EPHA6: variants seen among roughly 807,000 people sequenced by gnomAD.
The protein encoded by EPHA6 is EPH receptor A6, also known as ephrin type-A receptor 6.
EPHA6 carries 50 observed loss-of-function variants against 112.0 expected under a neutral mutation model. The observed-to-expected ratio is 0.45, with a 90% CI of 0.36 to 0.56. EPHA6 has a LOEUF of 0.56. Ranked by LOEUF, EPHA6 falls within the 20% of genes least tolerant of loss-of-function variation. The probability of loss-of-function intolerance (pLI) is 0.00; values close to 1 mark genes in which losing one functional copy is unlikely to be tolerated. For synonymous variants in EPHA6, 529 were observed against 490.7 expected, an observed-to-expected ratio of 1.08 and a Z score of -1.03; for missense variants, 1,280 against 1,417.4, an observed-to-expected ratio of 0.90 and a Z score of 1.56.
chr3:97,630,460 T>C (rs6809865), intron 13 of EPHA6, among the ~76,000 whole-genome samples: 34,995 of 151,918 alleles, frequency 0.23, 5,545 homozygotes, highest in African/African-American at 0.44. Flanking sequence ...TTCAACATCA[T>C]TTTAAAAAGT....
chr3:97,596,478 AG>A (rs1302849888), intron 12 of EPHA6, among the ~76,000 whole-genome samples: 2 of 152,052 alleles, frequency 1.3e-5, no homozygotes, highest in African/African-American at 2.4e-5. Context: ...CTACATTAAT[AG>A]TGATGGAGTA....
At chr3:97,694,689 T>G (rs1224191835) in intron 14 of EPHA6, among the ~76,000 whole-genome samples, 1 of 152,240 alleles carries the variant, frequency 6.6e-6, no homozygotes, top group Admixed American at 6.5e-5. Context: ...TGTTTGAGGA[T>G]GTCATTTAAG....
chr3:97,465,963 A>AT (rs1354589996), intron 7 of EPHA6, among the ~76,000 whole-genome samples: 48 of 150,304 alleles, frequency 3.2e-4, no homozygotes, highest in African/African-American at 9.7e-4. Flanking sequence ...TTGTCTGCCC[A>AT]TTTGTTTTTT....
At chr3:96,935,686 T>TAC (rs1011013957) in intron 2 of EPHA6, among the ~76,000 whole-genome samples, 58 of 148,124 alleles carry the variant, frequency 3.9e-4, no homozygotes, top group Non-Finnish European at 6.0e-4. Context: ...ACATTATATA[T>TAC]ACACACATTA....
At chr3:96,828,934 C>A (rs1172683596) in intron 1 of EPHA6, among the ~76,000 whole-genome samples, 1 of 152,084 alleles carries the variant, frequency 6.6e-6, no homozygotes, top group African/African-American at 2.4e-5. Flanking sequence ...GCAATACTTG[C>A]AGATCTAGAG....
intron 3 of EPHA6, among the ~76,000 whole-genome samples, chr3:97,138,381 C>T (rs1180957800): frequency 6.6e-6 from 1 of 152,194 alleles, no homozygotes; most frequent in African/African-American, 2.4e-5. Flanking sequence ...AGGGGTCCAA[C>T]ACTCTCATGC....
intron 5 of EPHA6, among the ~76,000 whole-genome samples, chr3:97,355,063 G>T (rs1342912071): frequency 6.6e-6 from 1 of 152,078 alleles, no homozygotes. Context: ...TCTGAGACAA[G>T]CAAAAGCTGA....
chr3:97,463,225 T>C (rs1443036201), intron 7 of EPHA6, among the ~76,000 whole-genome samples: 3 of 152,146 alleles, frequency 2.0e-5, no homozygotes, highest in Non-Finnish European at 4.4e-5. Context: ...ACATTAGGTA[T>C]ATCTCCTAAT....
chr3:97,358,029 G>C (rs913007369), intron 5 of EPHA6, among the ~76,000 whole-genome samples: 1 of 152,052 alleles, frequency 6.6e-6, no homozygotes, highest in Admixed American at 6.6e-5. Flanking sequence ...GAAACATTTT[G>C]TGTAACTTTG....
intron 3 of EPHA6, among the ~76,000 whole-genome samples, chr3:97,047,067 A>G (rs1173177851): frequency 6.6e-6 from 1 of 152,096 alleles, no homozygotes; most frequent in Non-Finnish European, 1.5e-5. Flanking sequence ...TGATTTTTAT[A>G]TTCTCTTTTT....
chr3:96,901,476 A>AT (rs565569852), intron 2 of EPHA6, among the ~76,000 whole-genome samples: 194 of 146,970 alleles, frequency 1.3e-3, no homozygotes, highest in African/African-American at 3.4e-3. Flanking sequence ...CTGGGAAAAG[A>AT]TTTTTTTTTT....
chr3:96,867,061 G>T (rs1173136778), intron 2 of EPHA6, among the ~76,000 whole-genome samples, 172 bp downstream of exon 2: 2 of 151,820 alleles, frequency 1.3e-5, no homozygotes. Flanking sequence ...GGAATGATAT[G>T]TAAAGCTCCT....
At chr3:97,731,451 T>A (rs1343864783) in intron 15 of EPHA6, among the ~76,000 whole-genome samples, 1 of 152,026 alleles carries the variant, frequency 6.6e-6, no homozygotes, top group African/African-American at 2.4e-5. Flanking sequence ...ACGGAGTATA[T>A]AAGTCACACA....
intron 3 of EPHA6, among the ~76,000 whole-genome samples, chr3:97,215,465 G>T (rs1438869100): frequency 6.6e-6 from 1 of 152,014 alleles, no homozygotes; most frequent in East Asian, 1.9e-4. Flanking sequence ...AATTAGTGTA[G>T]CCAGGCATCA....
chr3:97,076,400 C>A (rs2046527522), intron 3 of EPHA6, among the ~76,000 whole-genome samples: 1 of 152,112 alleles, frequency 6.6e-6, no homozygotes, highest in Non-Finnish European at 1.5e-5. Context: ...GACACTAATT[C>A]TCTTTAATTC....
intron 12 of EPHA6, among the ~76,000 whole-genome samples, chr3:97,597,503 C>G (rs1164518374): frequency 6.6e-6 from 1 of 152,128 alleles, no homozygotes; most frequent in East Asian, 1.9e-4. Context: ...GCCTTATACT[C>G]AAATACCAAG....
At chr3:96,827,141 G>A (rs1050150425) in intron 1 of EPHA6, among the ~76,000 whole-genome samples, 1 of 152,066 alleles carries the variant, frequency 6.6e-6, no homozygotes, top group Non-Finnish European at 1.5e-5. Flanking sequence ...AAAAGAATGG[G>A]CATCTGGCTT....
At chr3:97,556,352 C>A (rs887090708) in intron 11 of EPHA6, among the ~76,000 whole-genome samples, 2 of 152,092 alleles carry the variant, frequency 1.3e-5, no homozygotes, top group Admixed American at 1.3e-4. Context: ...TAAATACATA[C>A]CTGAGACTGG....
In EPHA6 at chr3:97,003,983, T is replaced by C. The variant is rs2043778503; in HGVS notation, c.1114+15990T>C. ...CAAAGGACATGGTCTCATTCCTTTT[T>C]ATGGCTGCATAGTATTCCATGGTGT... is the stretch of plus-strand genomic sequence containing the variant. On this transcript the variant is annotated intron_variant, in intron 3 of 17. Transcript: ENST00000389672. 2.6e-5 allele frequency among the ~76,000 whole-genome samples: 4 copies of C among 152,232 alleles called. No individual in the cohort carries two copies. In the South Asian group the frequency reaches 8.3e-4, roughly 31 times the overall value.
Sources: gnomAD v4.1 joint callset for allele counts (sites outside exome capture counted in the v4.1 genomes callset) on GRCh38, gnomAD v4.1.1 for gene constraint, MANE v1.5 for transcripts, NCBI Gene and HGNC (gene_info 2026-07-23, HGNC 2026-07-21) for gene names.